Variants in SLC9A4 observed in about 807,000 individuals in gnomAD.
SLC9A4 encodes the protein solute carrier family 9 member A4, also known as sodium/hydrogen exchanger 4.
SLC9A4 carries 63 observed loss-of-function variants against 67.4 expected under a neutral mutation model. The ratio of observed to expected loss-of-function variants is 0.93; its 90% CI spans 0.76 to 1.15. The LOEUF is 1.15. SLC9A4 is among the 50% of genes most tolerant of loss of function. The pLI is 0.00. For missense variants in SLC9A4, 1,089 were observed against 987.7 expected, an observed-to-expected ratio of 1.10 and a Z score of -1.38; for synonymous variants, 393 against 367.2, an observed-to-expected ratio of 1.07 and a Z score of -0.80.
chr2:102,488,611 C>T (rs143807975), intron 2 of SLC9A4, among the ~76,000 whole-genome samples: 2,619 of 148,980 alleles, frequency 0.018, 68 homozygotes, highest in East Asian at 0.087. Context: ...TGCAGTGGCG[C>T]GATCTCAGCT....
At chr2:102,528,071 G>A (rs1558675687) in intron 11 of SLC9A4, among the ~76,000 whole-genome samples, 1 of 152,038 alleles carries the variant, frequency 6.6e-6, no homozygotes, top group Non-Finnish European at 1.5e-5. Context: ...GCAGTGGAGC[G>A]ATCTTGGCTC....
chr2:102,473,995 T>C lies in SLC9A4; in HGVS notation c.236T>C (p.Leu79Pro). ...TATGAGGTCACTCTCTGGATACTTC[T>C]AGCATCCCTTGCAAAAATAGGTAAG... ...IPYEVTLWIL[L>P]ASLAKIGFHL... Residue 79 changes from leucine (L) to proline (P), a missense_variant, in exon 1 of 12, where the codon CTA (leucine) becomes CCA (proline). Physicochemically the swap from Leu to Pro is moderately conservative, Grantham distance 98. Coordinates refer to ENST00000295269, the MANE Select transcript of SLC9A4 (RefSeq NM_001011552.4). The C allele has an allele frequency of 6.2e-7, 1 of 1,613,450 alleles. No homozygotes were observed. The highest frequency in any genetic ancestry group is 8.5e-7 in the Non-Finnish European group (1 of 1,179,478).
At chr2:102,523,339 A>T (rs1384349302) in intron 9 of SLC9A4, among the ~76,000 whole-genome samples, 1 of 152,102 alleles carries the variant, frequency 6.6e-6, no homozygotes, top group Non-Finnish European at 1.5e-5. Flanking sequence ...TACTTTAGTT[A>T]ATAGCTAATG....
At chr2:102,489,503 A>C (rs1469858181) in intron 2 of SLC9A4, among the ~76,000 whole-genome samples, 1 of 152,226 alleles carries the variant, frequency 6.6e-6, no homozygotes, top group African/African-American at 2.4e-5. Context: ...TCTTTCTTCA[A>C]GTTCAGAAGA....
At chr2:102,486,356 T>G (rs1684589408) in intron 2 of SLC9A4, among the ~76,000 whole-genome samples, 1 of 152,162 alleles carries the variant, frequency 6.6e-6, no homozygotes, top group Non-Finnish European at 1.5e-5. Flanking sequence ...GTGTTATTCA[T>G]CCAAGTCCAC....
At chr2:102,490,918 A>G (rs1306864736) in intron 2 of SLC9A4, among the ~76,000 whole-genome samples, 2 of 152,252 alleles carry the variant, frequency 1.3e-5, no homozygotes, top group Non-Finnish European at 2.9e-5. Flanking sequence ...TTTAGCTTAT[A>G]GAGCAGTTAC....
intron 2 of SLC9A4, among the ~76,000 whole-genome samples, chr2:102,497,300 A>T (rs1684829925): frequency 6.6e-6 from 1 of 152,122 alleles, no homozygotes; most frequent in African/African-American, 2.4e-5. Flanking sequence ...CATACTACCT[A>T]GCCATTGTAC....
In SLC9A4 at chr2:102,508,174, G is replaced by C; in HGVS notation, c.1294G>C (p.Ala432Pro). The change falls in exon 5 of 12, where the codon GCT (alanine) becomes CCT (proline). Residue 432 changes from alanine to proline, a missense_variant. By Grantham distance (27) the Ala-to-Pro change is conservative. Coordinates refer to ENST00000295269, the MANE Select transcript of SLC9A4 (RefSeq NM_001011552.4). ...CIIFYSGVRGAGSFSLAFLLP... is the reference protein window; with the variant it reads ...CIIFYSGVRGPGSFSLAFLLP... ...CATTTTCTACAGTGGTGTTCGAGGA[G>C]CTGGAAGTTTTTCACTTGCATTTTT... 3.1e-6 allele frequency: 5 copies of C among 1,614,174 alleles called. No homozygotes were observed. The highest frequency in any genetic ancestry group is 4.2e-6 in the Non-Finnish European group (5 of 1,180,034).
intron 3 of SLC9A4, 74 bp downstream of exon 3, chr2:102,503,781 T>C (rs553218714): frequency 1.3e-6 from 2 of 1,547,924 alleles, no homozygotes; most frequent in South Asian, 2.5e-5. Context: ...GAGCCAGGCA[T>C]CTGGGAAAGA....
At chr2:102,527,476 T>C (rs1391264744) in intron 11 of SLC9A4, among the ~76,000 whole-genome samples, 1 of 152,202 alleles carries the variant, frequency 6.6e-6, no homozygotes, top group Non-Finnish European at 1.5e-5. Flanking sequence ...TCCTAATTAA[T>C]AAATACTTAA....
chr2:102,494,703 T>TA (rs1684770606), intron 2 of SLC9A4, among the ~76,000 whole-genome samples: 1 of 152,000 alleles, frequency 6.6e-6, no homozygotes, highest in African/African-American at 2.4e-5. Context: ...TAATATCAGT[T>TA]AAAAGACATA....
At chr2:102,480,561 T>C (rs1684439554) in intron 2 of SLC9A4, among the ~76,000 whole-genome samples, 4 of 152,248 alleles carry the variant, frequency 2.6e-5, no homozygotes, top group Admixed American at 2.6e-4. Context: ...TTGTTTCCAA[T>C]GTTTCATTCT....
intron 2 of SLC9A4, among the ~76,000 whole-genome samples, chr2:102,484,654 A>G (rs1171991504): frequency 6.6e-6 from 1 of 152,090 alleles, no homozygotes; most frequent in Non-Finnish European, 1.5e-5. Flanking sequence ...GGGAGGGCGG[A>G]TTGTTCTTAG....
chr2:102,489,278 C>T (rs920593324), intron 2 of SLC9A4, among the ~76,000 whole-genome samples: 2 of 152,054 alleles, frequency 1.3e-5, no homozygotes, highest in Admixed American at 1.3e-4. Context: ...TGGATGGCAC[C>T]ATGGGTGAGG....
intron 1 of SLC9A4, among the ~76,000 whole-genome samples, chr2:102,476,634 AG>A (rs1162515839): frequency 6.6e-6 from 1 of 152,178 alleles, no homozygotes; most frequent in Non-Finnish European, 1.5e-5. Flanking sequence ...TATTGAAAAA[AG>A]TTAAGTTTGG....
chr2:102,532,390 G>T lies in SLC9A4; in HGVS notation c.2099G>T (p.Gly700Val), dbSNP rs754134962. The T allele has an allele frequency of 6.2e-7, 1 of 1,614,160 alleles. No individual in the cohort carries two copies. Among genetic ancestry groups the T allele is most frequent in the South Asian group, 1.1e-5 (1 of 91,082 alleles). The change falls in exon 12 of 12, where the codon GGG (glycine) becomes GTG (valine). Residue 700 changes from glycine to valine, a missense_variant. Gly to Val is a moderately radical substitution (Grantham distance 109). Transcript: ENST00000295269. ...ACGTTCAGCGCATGCTCTCGGATAG[G>T]GTCACTTCAGAAGCAAGAGGCACAA... The part of the protein sequence containing the change: ...SITFSACSRI[G>V]SLQKQEAQEI...
intron 11 of SLC9A4, among the ~76,000 whole-genome samples, chr2:102,527,636 T>G (rs911981685): frequency 1.3e-5 from 2 of 152,170 alleles, no homozygotes; most frequent in African/African-American, 2.4e-5. Context: ...TAGATTTAAA[T>G]TTTTACATAT....
At chr2:102,506,663 GT>G (rs1324722913) in intron 4 of SLC9A4, among the ~76,000 whole-genome samples, 1 of 152,104 alleles carries the variant, frequency 6.6e-6, no homozygotes, top group Non-Finnish European at 1.5e-5. Flanking sequence ...AAATTTCTTA[GT>G]TCCCTTTCAG....
At chr2:102,488,684 G>A (rs1044523626) in intron 2 of SLC9A4, among the ~76,000 whole-genome samples, 1 of 152,028 alleles carries the variant, frequency 6.6e-6, no homozygotes, top group South Asian at 2.1e-4. Context: ...GAGTAGCTGG[G>A]ACTAAAGGTG....
Sources: gnomAD v4.1 joint callset for allele counts (sites outside exome capture counted in the v4.1 genomes callset) on GRCh38, gnomAD v4.1.1 for gene constraint, MANE v1.5 for transcripts, NCBI Gene and HGNC (gene_info 2026-07-23, HGNC 2026-07-21) for gene names.